The following ACYP2 variants were observed in gnomAD, a reference collection of about 807,000 sequenced individuals.
The protein encoded by ACYP2 is acylphosphatase-2.
In ACYP2, 12 loss-of-function variants were observed where a neutral mutation model predicts 11.2. The ratio of observed to expected loss-of-function variants is 1.08; its 90% CI spans 0.69 to 1.74. ACYP2 has a LOEUF of 1.74. Among genes scored for constraint, ACYP2 ranks in the 40% most tolerant of loss-of-function variants. ACYP2 has a pLI of 0.00. For synonymous variants in ACYP2, 43 were observed against 32.2 expected (o/e 1.33, Z -1.13); for missense variants, 134 against 101.9 (o/e 1.31, Z -1.35).
At chr2:54,159,204 A>G (rs190433659) in intron 6 of ACYP2, among the ~76,000 whole-genome samples, 66 of 152,028 alleles carry the variant, frequency 4.3e-4, no homozygotes, top group Admixed American at 1.2e-3. Context: ...AAATCAGTCA[A>G]TACTGCCTGA....
At chr2:54,254,617 C>G (rs1388160353) in intron 6 of ACYP2, 1 of 287,656 alleles carries the variant, frequency 3.5e-6, no homozygotes, top group Non-Finnish European at 6.5e-6. Flanking sequence ...GGGAACAAAC[C>G]GAGTCCAAAC....
At chr2:54,140,089 T>A (rs1176173088) in intron 6 of ACYP2, among the ~76,000 whole-genome samples, 2 of 152,184 alleles carry the variant, frequency 1.3e-5, no homozygotes, top group Non-Finnish European at 2.9e-5. Flanking sequence ...GGTCCAAAAG[T>A]TCAGTTTCAC....
chr2:54,099,249 C>T (rs988705611), intron 4 of ACYP2, among the ~76,000 whole-genome samples: 6 of 152,174 alleles, frequency 3.9e-5, no homozygotes, highest in Admixed American at 6.5e-5. Flanking sequence ...AGCTAATTAA[C>T]GTATGCATTA....
intron 6 of ACYP2, chr2:54,141,871 T>C (rs1410901985): frequency 1.6e-6 from 1 of 638,004 alleles, no homozygotes; most frequent in East Asian, 2.8e-5. Flanking sequence ...AGGGTCTTGC[T>C]CTCTCTCCTA....
intron 6 of ACYP2, among the ~76,000 whole-genome samples, chr2:54,190,871 C>A (rs1010570822): frequency 1.3e-5 from 2 of 152,168 alleles, no homozygotes; most frequent in Admixed American, 1.3e-4. Flanking sequence ...TCATTCCTTA[C>A]CCAGTACTCC....
chr2:54,174,069 A>G (rs1471978973), intron 6 of ACYP2, among the ~76,000 whole-genome samples: 1 of 152,204 alleles, frequency 6.6e-6, no homozygotes. Context: ...TGCTGTGAAG[A>G]AAGTCATTGG....
intron 6 of ACYP2, among the ~76,000 whole-genome samples, chr2:54,155,636 C>T (rs1186811623): frequency 1.3e-5 from 2 of 152,204 alleles, no homozygotes; most frequent in Non-Finnish European, 2.9e-5. Context: ...ACAGTTTCAT[C>T]CTGAAACCCT....
chr2:54,178,960 C>T (rs1032433970), intron 6 of ACYP2, among the ~76,000 whole-genome samples: 8 of 152,102 alleles, frequency 5.3e-5, no homozygotes, highest in African/African-American at 7.2e-5. Flanking sequence ...ATTTACTTCT[C>T]ATGGATCTGG....
intron 2 of ACYP2, among the ~76,000 whole-genome samples, chr2:54,038,164 C>T (rs1675010944): frequency 1.3e-5 from 2 of 152,138 alleles, no homozygotes; most frequent in South Asian, 4.1e-4. Context: ...TTTATTCTAA[C>T]CTCTGAGCGT....
chr2:54,201,600 CTT>C (rs1300724302), intron 6 of ACYP2, among the ~76,000 whole-genome samples: 5 of 88,568 alleles, frequency 5.6e-5, no homozygotes, highest in South Asian at 5.0e-4. Flanking sequence ...CTTTCTCTTT[CTT>C]TCTTTCTTTC....
At chr2:54,301,751 T>G (rs1280168264) in intron 6 of ACYP2, among the ~76,000 whole-genome samples, 1 of 152,158 alleles carries the variant, frequency 6.6e-6, no homozygotes, top group African/African-American at 2.4e-5. Flanking sequence ...TGTGACTATT[T>G]TTTTGCTTGG....
chr2:53,973,726 G>T lies in ACYP2; in HGVS notation c.-23G>T. The T allele has an allele frequency of 3.2e-6, 1 of 310,060 alleles. No individual in the cohort carries two copies. Among genetic ancestry groups the T allele is most frequent in the Non-Finnish European group, 5.9e-6 (1 of 170,152 alleles). The allele number at this position is 310,060 out of a possible 1,614,324, so 19.2% of individuals were successfully genotyped here. The stretch of plus-strand genomic sequence containing the variant: ...CTCCTTTTTCAGACTCAGCCTGCCT[G>T]CACCCAGGTGAAATAAACAGCCATG... On this transcript the variant is annotated 5_prime_UTR_variant, in exon 2 of 7. Coordinates refer to ENST00000607452, the MANE Select transcript of ACYP2 (RefSeq NM_001320586.2).
intron 4 of ACYP2, among the ~76,000 whole-genome samples, chr2:54,133,706 A>T (rs1247559220): frequency 6.6e-6 from 1 of 152,152 alleles, no homozygotes; most frequent in East Asian, 1.9e-4. Context: ...GAGATCTGTT[A>T]TTTAGGGTCA....
intron 6 of ACYP2, among the ~76,000 whole-genome samples, chr2:54,249,702 A>T (rs534514951): frequency 1.7e-4 from 26 of 152,238 alleles, no homozygotes; most frequent in African/African-American, 5.8e-4. Flanking sequence ...CAGCACTCTG[A>T]GGCCATGGCA....
At chr2:54,145,375 T>TTTTTCCCAC (rs1681835288) in intron 6 of ACYP2, among the ~76,000 whole-genome samples, 1 of 152,230 alleles carries the variant, frequency 6.6e-6, no homozygotes, top group Admixed American at 6.5e-5. Context: ...AAGGAACTGA[T>TTTTTCCCAC]TTTTCCCACT....
intron 6 of ACYP2, among the ~76,000 whole-genome samples, chr2:54,297,263 G>A (rs2104159998): frequency 6.7e-6 from 1 of 148,344 alleles, no homozygotes; most frequent in Non-Finnish European, 1.5e-5. Context: ...GGAGGCCAAG[G>A]TGGGAGGATC....
intron 2 of ACYP2, chr2:53,975,492 T>A: frequency 2.6e-6 from 1 of 381,294 alleles, no homozygotes; most frequent in Non-Finnish European, 4.6e-6. Flanking sequence ...CAGTCCAACT[T>A]GTTATCTCTT....
At chr2:54,270,828 AGTGTGG>A (rs1688264293) in intron 6 of ACYP2, among the ~76,000 whole-genome samples, 6 of 152,174 alleles carry the variant, frequency 3.9e-5, no homozygotes, top group Non-Finnish European at 7.3e-5. Context: ...TTTCTTTGTT[AGTGTGG>A]AATTTCAATA....
At chr2:54,078,096 A>C (rs1372976402) in intron 4 of ACYP2, among the ~76,000 whole-genome samples, 10 of 151,490 alleles carry the variant, frequency 6.6e-5, no homozygotes, top group Admixed American at 6.6e-4. Context: ...ACAGGTGCTC[A>C]CCACCACACT....
Sources: allele counts gnomAD v4.1 joint callset (sites outside exome capture counted in the v4.1 genomes callset), GRCh38; gene constraint gnomAD v4.1.1; transcripts MANE v1.5; gene names NCBI Gene and HGNC (gene_info 2026-07-23, HGNC 2026-07-21).